The following RAB3C variants were observed in gnomAD, a reference collection of about 807,000 sequenced individuals.
RAB3C encodes the protein RAB3C, member RAS oncogene family, also known as ras-related protein Rab-3C.
Under a neutral mutation model 26.4 loss-of-function variants are expected in RAB3C, and 17 were observed. The observed-to-expected ratio is 0.64, with a 90% CI of 0.44 to 0.97. RAB3C has a LOEUF of 0.97. Among genes scored for constraint, RAB3C ranks in the 50% least tolerant of loss-of-function variants. The pLI is 0.00. For missense variants in RAB3C, 242 were observed against 281.9 expected (o/e 0.86, Z 1.01); for synonymous variants, 91 against 95.9 (o/e 0.95, Z 0.30).
chr5:58,825,073 C>T lies in RAB3C; in HGVS notation c.407C>T (p.Ala136Val). 1 of 1,612,866 alleles carries T rather than the reference C, an allele frequency of 6.2e-7. No individual in the cohort carries two copies. Among genetic ancestry groups the T allele is most frequent in the Non-Finnish European group, 8.5e-7 (1 of 1,179,268 alleles). ...ATCAAAACATACTCTTGGGACAATGCCCAAGTTATTCTGGTTGGGAACAAG... is the reference window on the plus strand; with the variant it reads ...ATCAAAACATACTCTTGGGACAATGTCCAAGTTATTCTGGTTGGGAACAAG... ...TQIKTYSWDN[A>V]QVILVGNKCD... The change falls in exon 4 of 5, where the codon GCC (alanine) becomes GTC (valine). Residue 136 changes from alanine to valine, a missense_variant. Ala to Val is a moderately conservative substitution (Grantham distance 64). Coordinates refer to ENST00000282878, the MANE Select transcript of RAB3C (RefSeq NM_138453.4).
At chr5:58,689,537 C>T (rs1445749440) in intron 2 of RAB3C, among the ~76,000 whole-genome samples, 1 of 151,510 alleles carries the variant, frequency 6.6e-6, no homozygotes, top group Non-Finnish European at 1.5e-5. Flanking sequence ...AGTGTATGGC[C>T]CAGGTTAATT....
At chr5:58,692,390 A>G (rs1323747447) in intron 2 of RAB3C, among the ~76,000 whole-genome samples, 1 of 152,146 alleles carries the variant, frequency 6.6e-6, no homozygotes. Flanking sequence ...TCATATTTAT[A>G]ATTGAATAGG....
In RAB3C at chr5:58,834,005, C is replaced by A. The variant is rs185185114; in HGVS notation, c.496+8843C>A. On this transcript the variant is annotated intron_variant, in intron 4 of 4. Coordinates refer to ENST00000282878, the MANE Select transcript of RAB3C (RefSeq NM_138453.4). Reference sequence around the variant, plus strand: ...TCTAAGAGTTGCCTTCATTCAATGTCTTTTTGATAACACAAGAAATTAGTT... The same window carrying A: ...TCTAAGAGTTGCCTTCATTCAATGTATTTTTGATAACACAAGAAATTAGTT... Among the ~76,000 whole-genome samples the A allele has an allele frequency of 7.2e-4, 110 of 152,212 alleles. No individual in the cohort carries two copies. The Middle Eastern group carries it at 0.044, about 61-fold the overall frequency.
At chr5:58,619,198 T>C (rs1057315476) in intron 2 of RAB3C, among the ~76,000 whole-genome samples, 10 of 152,194 alleles carry the variant, frequency 6.6e-5, no homozygotes, top group Admixed American at 4.6e-4. Flanking sequence ...AATCTAATTA[T>C]AAATCACGTA....
chr5:58,619,329 A>C (rs1448380245), intron 2 of RAB3C, among the ~76,000 whole-genome samples: 1 of 152,154 alleles, frequency 6.6e-6, no homozygotes, highest in African/African-American at 2.4e-5. Flanking sequence ...GATACCTATC[A>C]CACACTCCTC....
At chr5:58,656,900 A>C (rs186176295) in intron 2 of RAB3C, among the ~76,000 whole-genome samples, 162 of 152,360 alleles carry the variant, frequency 1.1e-3, no homozygotes, top group Non-Finnish European at 2.0e-3. Flanking sequence ...ACCCAGAGGA[A>C]AAGAAGTCAT....
chr5:58,771,661 A>G (rs1742032362), intron 3 of RAB3C, among the ~76,000 whole-genome samples: 1 of 152,138 alleles, frequency 6.6e-6, no homozygotes, highest in Non-Finnish European at 1.5e-5. Flanking sequence ...TAACAGTTGC[A>G]AGGACAAGTT....
At chr5:58,767,170 T>C (rs948702168) in intron 3 of RAB3C, among the ~76,000 whole-genome samples, 24 of 152,050 alleles carry the variant, frequency 1.6e-4, no homozygotes, top group African/African-American at 5.3e-4. Context: ...ATCTGTGGAG[T>C]CTTCACAGTT....
chr5:58,833,359 CACAT>C (rs1429394322), intron 4 of RAB3C, among the ~76,000 whole-genome samples: 4 of 151,682 alleles, frequency 2.6e-5, no homozygotes, highest in Admixed American at 6.6e-5. Flanking sequence ...CACACACACA[CACAT>C]ATTAAGTAAA....
chr5:58,856,787 A>C lies in RAB3C; in HGVS notation c.*5436A>C, dbSNP rs1219068694. The C allele has an allele frequency of 6.6e-6, 1 of 152,186 alleles. No individual in the cohort carries two copies. Among genetic ancestry groups the C allele is most frequent in the Non-Finnish European group, 1.5e-5 (1 of 68,036 alleles). 9.4% of individuals were successfully genotyped at this position (152,186 alleles called of 1,614,324 possible). ...TTTCAGGGACGTGAGCATGACTTAC[A>C]TCTGTCAAGTGGTTCCATACTTCTT... On this transcript the variant is annotated 3_prime_UTR_variant, in exon 5 of 5. Transcript: ENST00000282878.
chr5:58,810,938 C>T (rs1051681573), intron 3 of RAB3C, among the ~76,000 whole-genome samples: 13 of 152,122 alleles, frequency 8.5e-5, no homozygotes, highest in African/African-American at 3.1e-4. Flanking sequence ...GAAATTTGCT[C>T]CCACCAAAAC....
chr5:58,824,005 T>C (rs1348874346), intron 3 of RAB3C, among the ~76,000 whole-genome samples: 1 of 151,756 alleles, frequency 6.6e-6, no homozygotes, highest in Non-Finnish European at 1.5e-5. Context: ...AATAGTTTAC[T>C]GAGAATGATG....
chr5:58,730,141 C>T (rs1309295732), intron 3 of RAB3C, among the ~76,000 whole-genome samples: 1 of 151,562 alleles, frequency 6.6e-6, no homozygotes, highest in South Asian at 2.1e-4. Context: ...TTTCGTTTTT[C>T]TTAAGTGTAT....
In RAB3C at chr5:58,843,754, G is replaced by T. The variant is rs538148543; in HGVS notation, c.497-7410G>T. On this transcript the variant is annotated intron_variant, in intron 4 of 4. Coordinates refer to ENST00000282878, the MANE Select transcript of RAB3C (RefSeq NM_138453.4). ...CAGGGCAAAACCAAAACGATATTTT[G>T]TGAAATTCCATGCTTGGTAAACTCC... is the stretch of plus-strand genomic sequence containing the variant. Among the ~76,000 whole-genome samples the T allele has an allele frequency of 2.0e-5, 3 of 152,094 alleles. No individual in the cohort carries two copies. In the East Asian group the frequency reaches 5.8e-4, roughly 29 times the overall value.
intron 3 of RAB3C, among the ~76,000 whole-genome samples, chr5:58,762,904 AAT>A (rs961979270): frequency 2.0e-5 from 3 of 152,216 alleles, no homozygotes; most frequent in Admixed American, 2.0e-4. Context: ...ATATAAAATG[AAT>A]ATATGTTACA....
intron 2 of RAB3C, among the ~76,000 whole-genome samples, chr5:58,659,923 G>A (rs965134944): frequency 5.9e-5 from 9 of 152,024 alleles, no homozygotes; most frequent in African/African-American, 1.9e-4. Context: ...CCCACCTCAG[G>A]CTCTTGAGTA....
chr5:58,765,479 A>G (rs1220697817), intron 3 of RAB3C, among the ~76,000 whole-genome samples: 2 of 152,212 alleles, frequency 1.3e-5, no homozygotes, highest in Non-Finnish European at 2.9e-5. Context: ...ATGTGTAAAG[A>G]GGAAAGTCCA....
intron 3 of RAB3C, among the ~76,000 whole-genome samples, chr5:58,794,069 G>A (rs1742589136): frequency 6.6e-6 from 1 of 152,118 alleles, no homozygotes; most frequent in Admixed American, 6.5e-5. Context: ...TCAGCAGCAA[G>A]TTTCTCAGCA....
intron 3 of RAB3C, among the ~76,000 whole-genome samples, chr5:58,816,790 A>T (rs540573763): frequency 6.6e-6 from 1 of 152,170 alleles, no homozygotes; most frequent in Non-Finnish European, 1.5e-5. Flanking sequence ...AGGAAGACGG[A>T]GGGTAGCAAG....
Sources: gnomAD v4.1 joint callset for allele counts (sites outside exome capture counted in the v4.1 genomes callset) on GRCh38, gnomAD v4.1.1 for gene constraint, MANE v1.5 for transcripts, NCBI Gene and HGNC (gene_info 2026-07-23, HGNC 2026-07-21) for gene names.